Variants in DMXL2 observed in about 807,000 individuals in gnomAD.
The protein encoded by DMXL2 is Dmx like 2.
Under a neutral mutation model 331.1 loss-of-function variants are expected in DMXL2, and 103 were observed. The ratio of observed to expected loss-of-function variants is 0.31; its 90% CI spans 0.27 to 0.37. The LOEUF (loss-of-function observed/expected upper bound fraction) is 0.37, where lower values mean the gene tolerates loss of function less well. Among genes scored for constraint, DMXL2 ranks in the 10% least tolerant of loss-of-function variants. The pLI is 1.00. For missense variants in DMXL2, 3,171 were observed against 3,642.9 expected, an observed-to-expected ratio of 0.87 and a Z score of 3.33; for synonymous variants, 1,281 against 1,252.1, an observed-to-expected ratio of 1.02 and a Z score of -0.49.
At chr15:51,529,723 T>C (rs1259048740) in intron 13 of DMXL2, among the ~76,000 whole-genome samples, 1 of 151,704 alleles carries the variant, frequency 6.6e-6, no homozygotes, top group East Asian at 1.9e-4. Flanking sequence ...TTCTGAAAAA[T>C]AGAGAAGGAA....
chr15:51,516,920 C>T (rs2047068039), intron 14 of DMXL2, among the ~76,000 whole-genome samples, 158 bp downstream of exon 14: 1 of 152,166 alleles, frequency 6.6e-6, no homozygotes, highest in African/African-American at 2.4e-5. Flanking sequence ...AAAATAATCC[C>T]TAAATCATTA....
Position 51,537,813 on chromosome 15 carries a change from C to T in DMXL2, c.1346-54G>A, listed in dbSNP as rs2048367566. On this transcript the variant is annotated intron_variant, in intron 10 of 43. Transcript: ENST00000560891. ...AAGCATTAAATAATTCATTTACATA[C>T]TAGACTATAAATAAATGGCATACTA... 4 of 1,507,370 alleles carry T rather than the reference C, an allele frequency of 2.7e-6. No homozygotes were observed. The African/African-American group carries it at 5.6e-5, about 21-fold the overall frequency. The allele number at this position is 1,507,370 out of a possible 1,614,324, so 93.4% of individuals were successfully genotyped here.
chr15:51,606,372 T>C (rs540611763), intron 1 of DMXL2, among the ~76,000 whole-genome samples: 263 of 152,228 alleles, frequency 1.7e-3, no homozygotes, highest in African/African-American at 6.0e-3. Context: ...AATTTCGTAT[T>C]TTTAGTAGAG....
chr15:51,552,576 C>T (rs2049290280), intron 6 of DMXL2, among the ~76,000 whole-genome samples: 1 of 152,164 alleles, frequency 6.6e-6, no homozygotes, highest in African/African-American at 2.4e-5. Context: ...CTGACATTCC[C>T]TCCTTGAACC....
At position 51,466,286 on chromosome 15, in the gene DMXL2, C is replaced by A. The variant is rs1489548047; in HGVS notation, c.7418G>T (p.Gly2473Val). ...AKPFLPLSDSGVIYDSDESIH... is the reference protein window; with the variant it reads ...AKPFLPLSDSVVIYDSDESIH... The stretch of plus-strand genomic sequence containing the variant: ...GCTTTCATCAGAATCATATATAACA[C>A]CACTATCAGACAAAGGAAGAAATGG... Residue 2473 changes from glycine (G) to valine (V), a missense_variant, in exon 30 of 44, where the codon GGT becomes GTT. Gly to Val is a moderately radical substitution (Grantham distance 109, BLOSUM62 -3). Coordinates refer to ENST00000560891, the MANE Select transcript of DMXL2 (RefSeq NM_001378457.1). 5.4e-6 allele frequency: 8 copies of A among 1,470,532 alleles called. No homozygotes were observed. In the African/African-American group the frequency reaches 8.7e-5, roughly 16 times the overall value. 91.1% of individuals were successfully genotyped at this position (1,470,532 alleles called of 1,614,324 possible). A position where few individuals can be genotyped will look rare whatever the true frequency, so the allele number is the denominator to read the frequency against.
In DMXL2 at chr15:51,481,084, T is replaced by C. The variant is rs1178980149; in HGVS notation, c.6022A>G (p.Lys2008Glu). The C allele has an allele frequency of 1.2e-6, 2 of 1,613,532 alleles. No homozygotes were observed. Among genetic ancestry groups the C allele is most frequent in the African/African-American group, 2.7e-5 (2 of 74,908 alleles). ...TCTGAGGCCTTCTGATCTGATTGTTTATCTTTTTCCCTGGCATCTGTACTT... is the reference window on the plus strand; with the variant it reads ...TCTGAGGCCTTCTGATCTGATTGTTCATCTTTTTCCCTGGCATCTGTACTT... ...MKSTDAREKDKQSDQKASDPN... is the reference protein window; with the variant it reads ...MKSTDAREKDEQSDQKASDPN... Residue 2008 changes from lysine (K) to glutamate (E), a missense_variant, in exon 24 of 44, where the codon AAA becomes GAA. Lys to Glu is a moderately conservative substitution (Grantham distance 56, BLOSUM62 1). Around this residue, in one of 7 missense-constraint regions of DMXL2, gnomAD observed 244 missense variants for 251.4 expected, o/e 0.97. Transcript: ENST00000560891.
At chr15:51,559,447 G>T (rs1236910073) in intron 6 of DMXL2, among the ~76,000 whole-genome samples, 1 of 152,186 alleles carries the variant, frequency 6.6e-6, no homozygotes, top group African/African-American at 2.4e-5. Flanking sequence ...AGGCACAGTG[G>T]CTCACGCCTG....
chr15:51,603,904 C>T (rs2053400650), intron 1 of DMXL2, among the ~76,000 whole-genome samples: 1 of 151,626 alleles, frequency 6.6e-6, no homozygotes, highest in African/African-American at 2.4e-5. Context: ...CTTCCAAACT[C>T]ATGAAGCTAG....
chr15:51,531,822 A>G (rs2048018255), intron 13 of DMXL2, among the ~76,000 whole-genome samples: 1 of 152,204 alleles, frequency 6.6e-6, no homozygotes, highest in Non-Finnish European at 1.5e-5. Flanking sequence ...CTACAATAAG[A>G]TATCATCTCA....
At chr15:51,501,267 G>A (rs1485090785) in intron 17 of DMXL2, among the ~76,000 whole-genome samples, 3 of 151,968 alleles carry the variant, frequency 2.0e-5, no homozygotes, top group South Asian at 2.1e-4. Flanking sequence ...TAATTTTAGC[G>A]GCCCCGAACC....
chr15:51,521,746 A>C (rs2047393800), intron 13 of DMXL2, among the ~76,000 whole-genome samples: 1 of 152,094 alleles, frequency 6.6e-6, no homozygotes, highest in Non-Finnish European at 1.5e-5. Context: ...TATTTATATG[A>C]CTCTATAGAT....
In DMXL2 at chr15:51,576,183, T is replaced by TAAACAAAAAAAAA; in HGVS notation, c.88-3_88-2insTTTTTTTTTGTTT. ...AATATCACAGCCTGATCCATATGCC[T>TAAACAAAAAAAAA]AAAAAAAAAAAAAAAAAAAAGTTTT... On this transcript the variant is annotated splice_region_variant and splice_polypyrimidine_tract_variant and intron_variant, in intron 1 of 43. Coordinates refer to ENST00000560891, the MANE Select transcript of DMXL2 (RefSeq NM_001378457.1). 1 of 626,284 alleles carries TAAACAAAAAAAAA rather than the reference T, an allele frequency of 1.6e-6. No individual in the cohort carries two copies. The highest frequency in any genetic ancestry group is 2.0e-6 in the Non-Finnish European group (1 of 493,546). The allele number at this position is 626,284 out of a possible 1,614,324, so 38.8% of individuals were successfully genotyped here. A position where few individuals can be genotyped will look rare whatever the true frequency, so the allele number is the denominator to read the frequency against.
At chr15:51,468,958 A>AG (rs1485275704) in intron 29 of DMXL2, among the ~76,000 whole-genome samples, 2 of 151,706 alleles carry the variant, frequency 1.3e-5, no homozygotes, top group African/African-American at 4.9e-5. Context: ...TAAGTTAAAA[A>AG]AAGAGAGAGA....
rs2041604249 is a variant in DMXL2, at chr15:51,476,613, T to C, written c.6940A>G (p.Asn2314Asp). The C allele has an allele frequency of 1.2e-6, 2 of 1,609,914 alleles. No individual in the cohort carries two copies. Among genetic ancestry groups the C allele is most frequent in the African/African-American group, 1.3e-5 (1 of 74,636 alleles). The change falls in exon 27 of 44, where the codon AAT (asparagine) becomes GAT (aspartate). Residue 2314 changes from asparagine (N) to aspartate (D), a missense_variant. Physicochemically the swap from Asn to Asp is conservative, Grantham distance 23. Coordinates refer to ENST00000560891, the MANE Select transcript of DMXL2 (RefSeq NM_001378457.1). Reference protein sequence around the residue: ...TESIEEHATPNSSPAQWPGVS... With the variant: ...TESIEEHATPDSSPAQWPGVS... ...CCAGGCCATTGAGCAGGAGATGAAT[T>C]TGGTGTTGCGTGTTCTTCAATGCTT...
At chr15:51,599,850 C>T (rs898582887) in intron 1 of DMXL2, among the ~76,000 whole-genome samples, 7 of 152,184 alleles carry the variant, frequency 4.6e-5, no homozygotes, top group Non-Finnish European at 7.3e-5. Context: ...CAGGCACGTG[C>T]CAACATGCCC....
chr15:51,489,565 G>A (rs757572656), intron 20 of DMXL2, among the ~76,000 whole-genome samples: 3 of 151,708 alleles, frequency 2.0e-5, no homozygotes, highest in African/African-American at 7.3e-5. Flanking sequence ...CTGGTTGGGA[G>A]AATTGCTTCA....
Position 51,481,565 on chromosome 15 carries a change from A to T in DMXL2, c.5541T>A (p.His1847Gln). The T allele has an allele frequency of 6.2e-7, 1 of 1,606,556 alleles. No individual in the cohort carries two copies. Among genetic ancestry groups the T allele is most frequent in the Non-Finnish European group, 8.5e-7 (1 of 1,177,694 alleles). ...AFSFYNYLRT[H>Q]PLLIRRNLAS... The stretch of plus-strand genomic sequence containing the variant: ...CAAGATTTCTTCGAATGAGCAAAGG[A>T]TGAGTTCGAAGGTAGTTATAAAAAC... Residue 1847 changes from histidine to glutamine, a missense_variant, in exon 24 of 44, where the codon CAT (histidine) becomes CAA (glutamine). Physicochemically the swap from His to Gln is conservative, Grantham distance 24 (BLOSUM62 0). Coordinates refer to ENST00000560891, the MANE Select transcript of DMXL2 (RefSeq NM_001378457.1).
At chr15:51,472,641 TG>T (rs900357879) in intron 28 of DMXL2, among the ~76,000 whole-genome samples, 1 of 152,234 alleles carries the variant, frequency 6.6e-6, no homozygotes, top group Non-Finnish European at 1.5e-5. Context: ...TTTTTGTGTC[TG>T]GCTTCTTTGG....
Position 51,536,587 on chromosome 15 carries a change from C to T in DMXL2, c.1893G>A (p.Lys631=). The change falls in exon 12 of 44, where the codon AAG becomes AAA. Residue 631 remains lysine, a synonymous_variant. Transcript: ENST00000560891. ...CAGTTAGAACAGTGGTAAAGGCAGA[C>T]TTATCAGCAAAAGTGACTGCCCACT... is the stretch of plus-strand genomic sequence containing the variant. The part of the protein sequence containing the change: ...LNQWAVTFAD[K]SAFTTVLTVS... 2 of 1,614,012 alleles carry T rather than the reference C, an allele frequency of 1.2e-6. No homozygotes were observed. Among genetic ancestry groups the T allele is most frequent in the Non-Finnish European group, 1.7e-6 (2 of 1,179,984 alleles).
Sources: gnomAD v4.1 joint callset for allele counts (sites outside exome capture counted in the v4.1 genomes callset) on GRCh38, gnomAD v4.1.1 for gene constraint, gnomAD v4.1.1 regional missense constraint, MANE v1.5 for transcripts, NCBI Gene and HGNC (gene_info 2026-07-23, HGNC 2026-07-21) for gene names.